Variants in SEZ6L2 observed in about 807,000 individuals in gnomAD.
SEZ6L2 encodes the protein seizure 6-like protein 2.
In SEZ6L2, 44 loss-of-function variants were observed where a neutral mutation model predicts 97.0. The observed-to-expected ratio is 0.45, with a 90% CI of 0.36 to 0.58. SEZ6L2 has a LOEUF of 0.58. SEZ6L2 is among the 20% of genes least tolerant of loss of function. The pLI, the probability that SEZ6L2 is intolerant of heterozygous loss-of-function variation, is 0.00. For missense variants in SEZ6L2, 1,086 were observed against 1,233.3 expected (o/e 0.88, Z 1.79); for synonymous variants, 543 against 546.1 (o/e 0.99, Z 0.08).
chr16:29,899,106 A>C lies in SEZ6L2; in HGVS notation c.-87T>G. On this transcript the variant is annotated 5_prime_UTR_variant, in exon 1 of 18. In the 5' UTR this introduces an upstream ATG that the reference lacks. Transcript: ENST00000617533. ...TCCGTCTCCGTTTATCTTTCCCTTT[A>C]ATTGTTTTTTTTTTTTTTTTTTTTT... 1 of 805,980 alleles carries C rather than the reference A, an allele frequency of 1.2e-6. No homozygotes were observed. Among genetic ancestry groups the C allele is most frequent in the Non-Finnish European group, 1.9e-6 (1 of 536,382 alleles). The allele number at this position is 805,980 out of a possible 1,614,324, so 49.9% of individuals were successfully genotyped here. A position where few individuals can be genotyped will look rare whatever the true frequency, so the allele number is the denominator to read the frequency against.
At chr16:29,887,603 T>C (rs750477222) in intron 7 of SEZ6L2, 46 bp downstream of exon 7, 1 of 1,513,908 alleles carries the variant, frequency 6.6e-7, no homozygotes, top group Admixed American at 2.1e-5. Context: ...TGAGCCACCA[T>C]GCCCGGCCAA....
intron 5 of SEZ6L2, among the ~76,000 whole-genome samples, chr16:29,894,596 A>G (rs1452023973): frequency 6.6e-6 from 1 of 151,988 alleles, no homozygotes; most frequent in Non-Finnish European, 1.5e-5. Flanking sequence ...AATTATAACC[A>G]TCCTGATTAC....
At chr16:29,891,640 CA>C (rs932464606) in intron 5 of SEZ6L2, among the ~76,000 whole-genome samples, 168 of 135,608 alleles carry the variant, frequency 1.2e-3, no homozygotes, top group Admixed American at 9.7e-4. Context: ...GACTCCGTCT[CA>C]AAAAAAAAAA....
chr16:29,878,826 C>T (rs1215926963), intron 9 of SEZ6L2, among the ~76,000 whole-genome samples: 2 of 145,936 alleles, frequency 1.4e-5, no homozygotes, highest in Admixed American at 7.1e-5. Flanking sequence ...AGAATGGTCT[C>T]GATCTCCTGA....
At chr16:29,878,129 T>C (rs1442922985) in intron 10 of SEZ6L2, among the ~76,000 whole-genome samples, 158 bp downstream of exon 10, 1 of 152,184 alleles carries the variant, frequency 6.6e-6, no homozygotes, top group Non-Finnish European at 1.5e-5. Context: ...AGCCCAGCTC[T>C]CTCACGTCTA....
chr16:29,884,330 A>G (rs74017642), intron 8 of SEZ6L2, among the ~76,000 whole-genome samples: 12,199 of 151,922 alleles, frequency 0.08, 1,395 homozygotes, highest in East Asian at 0.32. Context: ...GGTGGCTTAC[A>G]CCTGTAATCC....
At chr16:29,884,090 C>T (rs901061261) in intron 8 of SEZ6L2, among the ~76,000 whole-genome samples, 1 of 152,064 alleles carries the variant, frequency 6.6e-6, no homozygotes, top group African/African-American at 2.4e-5. Context: ...AGGCCTTCCC[C>T]ACTCCCAGTC....
Position 29,885,626 on chromosome 16 carries a change from C to T in SEZ6L2, c.1332G>A (p.Glu444=). The change falls in exon 8 of 18, where the codon GAG becomes GAA. Residue 444 remains glutamate (E), a synonymous_variant. Transcript: ENST00000617533. ...AQSLYVELLS[E]TPANPLLLSL... ...TTAACAGCAGGGGATTGGCAGGTGT[C>T]TCTGACAGCAGCTCCACGTAGAGGG... The T allele has an allele frequency of 1.2e-6, 2 of 1,614,032 alleles. No homozygotes were observed. Among genetic ancestry groups the T allele is most frequent in the East Asian group, 2.2e-5 (1 of 44,880 alleles).
intron 5 of SEZ6L2, 63 bp from the exon 6 acceptor site, chr16:29,888,788 C>T: frequency 7.0e-7 from 1 of 1,431,820 alleles, no homozygotes; most frequent in Non-Finnish European, 9.4e-7. Flanking sequence ...CATACTGATC[C>T]CCCAGCACTT....
intron 17 of SEZ6L2, 84 bp downstream of exon 17, chr16:29,872,103 A>T (rs2067794807): frequency 8.8e-7 from 1 of 1,136,512 alleles, no homozygotes; most frequent in Middle Eastern, 2.0e-4. Context: ...TTCCCAAGAC[A>T]GAGATTCCAG....
At chr16:29,895,135 C>T (rs758783596) in intron 5 of SEZ6L2, 124 bp downstream of exon 5, 210 of 819,552 alleles carry the variant, frequency 2.6e-4, no homozygotes, top group East Asian at 5.1e-4. Context: ...GCTGAGATCA[C>T]GCCACTGACC....
chr16:29,890,790 C>G (rs1359529836), intron 5 of SEZ6L2, among the ~76,000 whole-genome samples: 3 of 147,096 alleles, frequency 2.0e-5, no homozygotes, highest in Non-Finnish European at 4.5e-5. Flanking sequence ...ACTCTGTCAC[C>G]CAGTCTGGAG....
rs1006169503 is a variant in SEZ6L2 at position 29,872,748 on chromosome 16, A to G, written c.2489-5T>C. The G allele has an allele frequency of 6.7e-7, 1 of 1,486,606 alleles. No homozygotes were observed. The highest frequency in any genetic ancestry group is 9.1e-7 in the Non-Finnish European group (1 of 1,094,512). The allele number at this position is 1,486,606 out of a possible 1,614,324, so 92.1% of individuals were successfully genotyped here. A position where few individuals can be genotyped will look rare whatever the true frequency, so the allele number is the denominator to read the frequency against. The stretch of plus-strand genomic sequence containing the variant: ...CCAGGAGCTCCTCATAGGCAACTGC[A>G]GGGAGAGGAGGGGGAGGGGATGGGG... On this transcript the variant is annotated splice_polypyrimidine_tract_variant and splice_region_variant and intron_variant, in intron 14 of 17. Coordinates refer to ENST00000617533, the MANE Select transcript of SEZ6L2 (RefSeq NM_001243332.2).
intron 12 of SEZ6L2, among the ~76,000 whole-genome samples, chr16:29,875,624 C>A (rs1377383741): frequency 6.6e-6 from 1 of 150,600 alleles, no homozygotes; most frequent in Non-Finnish European, 1.5e-5. Context: ...GCTGCCATTC[C>A]TTTCTGCTCT....
chr16:29,879,932 G>A lies in SEZ6L2; in HGVS notation c.1505C>T (p.Pro502Leu), dbSNP rs769954309. 8 of 1,613,856 alleles carry A rather than the reference G, an allele frequency of 5.0e-6. No homozygotes were observed. Among genetic ancestry groups the A allele is most frequent in the Non-Finnish European group, 6.8e-6 (8 of 1,179,908 alleles). ...ATCCACACATTCGATGGCATTGGGGGGCCCAGGGGGCTCCAGGGCATATCC... is the reference window on the plus strand; with the variant it reads ...ATCCACACATTCGATGGCATTGGGGAGCCCAGGGGGCTCCAGGGCATATCC... ...LPGYALEPPG[P>L]PNAIECVDPT... The change falls in exon 9 of 18, where the codon CCC becomes CTC. Residue 502 changes from proline to leucine, a missense_variant. Pro to Leu is a moderately conservative substitution (Grantham distance 98, BLOSUM62 -3). This residue lies in a region of SEZ6L2 where 776 missense variants were observed against 794.7 expected (regional missense o/e 0.98). Transcript: ENST00000617533.
chr16:29,879,769 G>C, intron 9 of SEZ6L2, 95 bp downstream of exon 9: 1 of 1,124,142 alleles, frequency 8.9e-7, no homozygotes, highest in Non-Finnish European at 1.3e-6. Context: ...ATGAAGTCTG[G>C]ATGTGCAGCC....
intron 7 of SEZ6L2, among the ~76,000 whole-genome samples, chr16:29,886,680 TAA>T (rs60991015): frequency 7.8e-4 from 108 of 138,674 alleles, no homozygotes; most frequent in Non-Finnish European, 7.8e-4. Context: ...GACTCCATCT[TAA>T]AAAAAAAAAA....
chr16:29,875,139 C>G (rs1196823085), intron 12 of SEZ6L2, among the ~76,000 whole-genome samples: 1 of 151,904 alleles, frequency 6.6e-6, no homozygotes, highest in African/African-American at 2.4e-5. Flanking sequence ...CCTTCCAAAG[C>G]ACTGCAATTT....
chr16:29,890,194 A>C (rs2068241664), intron 5 of SEZ6L2, among the ~76,000 whole-genome samples: 1 of 152,100 alleles, frequency 6.6e-6, no homozygotes, highest in Non-Finnish European at 1.5e-5. Flanking sequence ...CAGGCCACTG[A>C]GTATTAAGAT....
Sources: allele counts gnomAD v4.1 joint callset (sites outside exome capture counted in the v4.1 genomes callset), GRCh38; gene constraint gnomAD v4.1.1; regional missense constraint gnomAD v4.1.1; transcripts MANE v1.5; gene names NCBI Gene and HGNC (gene_info 2026-07-23, HGNC 2026-07-21).